Variants in CCSER1 observed in about 807,000 individuals in gnomAD.
The protein encoded by CCSER1 is coiled-coil serine rich protein 1, also known as serine-rich coiled-coil domain-containing protein 1.
In CCSER1, 41 loss-of-function variants were observed where a neutral mutation model predicts 82.0. The observed-to-expected ratio is 0.50, with a 90% CI of 0.39 to 0.65. CCSER1 has a LOEUF of 0.65. Among genes scored for constraint, CCSER1 ranks in the 30% least tolerant of loss-of-function variants. The probability of loss-of-function intolerance (pLI) is 0.00; values close to 1 mark genes in which losing one functional copy is unlikely to be tolerated. For missense variants in CCSER1, 1,119 were observed against 1,064.2 expected, an observed-to-expected ratio of 1.05 and a Z score of -0.72; for synonymous variants, 414 against 383.9, an observed-to-expected ratio of 1.08 and a Z score of -0.92.
intron 9 of CCSER1, among the ~76,000 whole-genome samples, chr4:90,957,245 G>GC (rs35837427): frequency 0.39 from 55,224 of 141,750 alleles, 11,295 homozygotes; most frequent in East Asian, 0.57. Context: ...GGGATTACAG[G>GC]CCCCCCCCAC....
intron 4 of CCSER1, among the ~76,000 whole-genome samples, chr4:90,403,520 AG>A (rs375792531): frequency 0.019 from 2,836 of 146,782 alleles, 157 homozygotes; most frequent in African/African-American, 0.034. Context: ...AAAAAAAAAA[AG>A]AAAAAAGACC....
chr4:91,546,217 G>A (rs1193238099), intron 10 of CCSER1, among the ~76,000 whole-genome samples: 1 of 152,060 alleles, frequency 6.6e-6, no homozygotes, highest in South Asian at 2.1e-4. Context: ...GTTTATGAGA[G>A]ATGTAGGTCT....
intron 3 of CCSER1, among the ~76,000 whole-genome samples, chr4:90,349,099 A>T (rs1213149507): frequency 1.3e-5 from 2 of 152,100 alleles, no homozygotes; most frequent in African/African-American, 4.8e-5. Flanking sequence ...ATTCTGTTTT[A>T]TTTGCCTAAG....
intron 10 of CCSER1, among the ~76,000 whole-genome samples, chr4:91,547,681 G>C (rs1196948711): frequency 6.6e-6 from 1 of 152,150 alleles, no homozygotes; most frequent in Non-Finnish European, 1.5e-5. Context: ...TTAAATTGAT[G>C]AATGGTACAG....
At chr4:90,936,284 C>T (rs775429346) in intron 9 of CCSER1, among the ~76,000 whole-genome samples, 16 of 151,978 alleles carry the variant, frequency 1.1e-4, no homozygotes, top group Non-Finnish European at 2.1e-4. Context: ...AGAAGATTAA[C>T]CTATTTTGTA....
Position 91,565,054 on chromosome 4 carries a change from G to C in CCSER1, c.2218-33518G>C, listed in dbSNP as rs943341779. On this transcript the variant is annotated intron_variant, in intron 10 of 10. Coordinates refer to ENST00000509176, the MANE Select transcript of CCSER1 (RefSeq NM_001145065.2). ...TGTGTGTGTGTGTGTGTGTGTGTGT[G>C]TGTGTGTGTGTGTGTGTGTGTGTGT... is the stretch of plus-strand genomic sequence containing the variant. 5.3e-5 allele frequency among the ~76,000 whole-genome samples: 8 copies of C among 150,158 alleles called. No individual in the cohort carries two copies. The South Asian group carries it at 1.7e-3, about 32-fold the overall frequency.
intron 10 of CCSER1, among the ~76,000 whole-genome samples, chr4:91,498,301 G>T (rs1309545820): frequency 6.6e-6 from 1 of 151,908 alleles, no homozygotes. Context: ...ACAGAGAAAA[G>T]GAAGAATTAG....
chr4:90,840,948 A>C (rs1762497077), intron 8 of CCSER1, among the ~76,000 whole-genome samples: 1 of 152,192 alleles, frequency 6.6e-6, no homozygotes, highest in South Asian at 2.1e-4. Flanking sequence ...GTATTGCATA[A>C]TAGTTACATA....
intron 10 of CCSER1, among the ~76,000 whole-genome samples, chr4:91,387,377 T>G (rs981243580): frequency 1.1e-4 from 16 of 151,962 alleles, no homozygotes; most frequent in Non-Finnish European, 2.1e-4. Flanking sequence ...AAAATTAGAT[T>G]TCTGTCATTT....
chr4:90,863,887 T>C, intron 8 of CCSER1, among the ~76,000 whole-genome samples: 1 of 151,862 alleles, frequency 6.6e-6, no homozygotes, highest in East Asian at 1.9e-4. Flanking sequence ...AGCGCTTTGT[T>C]GAACCAGAGA....
At chr4:90,567,959 G>T (rs1451919347) in intron 5 of CCSER1, among the ~76,000 whole-genome samples, 2 of 152,126 alleles carry the variant, frequency 1.3e-5, no homozygotes, top group African/African-American at 4.8e-5. Flanking sequence ...TCCATTGGTT[G>T]TTCATGAGCA....
intron 4 of CCSER1, among the ~76,000 whole-genome samples, chr4:90,415,834 T>G (rs1369569767): frequency 6.6e-6 from 1 of 152,204 alleles, no homozygotes; most frequent in Non-Finnish European, 1.5e-5. Context: ...TTAAATGAAT[T>G]AAAGTTAAAA....
At chr4:90,884,589 TA>T (rs920919821) in intron 8 of CCSER1, among the ~76,000 whole-genome samples, 1 of 152,124 alleles carries the variant, frequency 6.6e-6, no homozygotes, top group Non-Finnish European at 1.5e-5. Context: ...TTCTGTTTTA[TA>T]AAAAAATTCT....
Position 90,206,175 on chromosome 4 carries a change from G to GT in CCSER1, c.-42+78351dup, listed in dbSNP as rs1053891854. The stretch of plus-strand genomic sequence containing the variant: ...TCTGGATTCATTGATTTTTTGAAGG[G>GT]TTTTTTTGTGTCTCCATCTCCTTCA... On this transcript the variant is annotated intron_variant, in intron 1 of 10. Coordinates refer to ENST00000509176, the MANE Select transcript of CCSER1 (RefSeq NM_001145065.2). Among the ~76,000 whole-genome samples the GT allele has an allele frequency of 3.3e-5, 5 of 152,004 alleles. No individual in the cohort carries two copies. In the East Asian group the frequency reaches 5.8e-4, roughly 18 times the overall value.
intron 7 of CCSER1, among the ~76,000 whole-genome samples, chr4:90,739,657 A>C (rs1466796245): frequency 6.6e-6 from 1 of 152,090 alleles, no homozygotes; most frequent in Non-Finnish European, 1.5e-5. Context: ...TGAGTAATTC[A>C]CCTCTGGCTA....
intron 8 of CCSER1, among the ~76,000 whole-genome samples, chr4:90,854,578 C>A (rs1461861433): frequency 6.6e-6 from 1 of 152,126 alleles, no homozygotes; most frequent in African/African-American, 2.4e-5. Context: ...TTCTCTGTTG[C>A]TGAAATTTGG....
Position 91,012,356 on chromosome 4 carries a change from A to G in CCSER1, c.2173-73594A>G, listed in dbSNP as rs918249134. Among the ~76,000 whole-genome samples the G allele has an allele frequency of 2.2e-5, 3 of 134,414 alleles. 1 individual carries two copies. Among genetic ancestry groups the G allele is most frequent in the Non-Finnish European group, 3.5e-5 (2 of 57,798 alleles). The allele number at this position is 134,414 out of a possible 152,430, so 88.2% of individuals were successfully genotyped here. ...AGCTCTGCCAAGGCACTCTTTCCCC[A>G]GGCAGCACTGTGCAGCTTTACCTCT... On this transcript the variant is annotated intron_variant, in intron 9 of 10. Coordinates refer to ENST00000509176, the MANE Select transcript of CCSER1 (RefSeq NM_001145065.2).
rs566812768 is a variant in CCSER1 at position 91,467,913 on chromosome 4, A to G, written c.2218-130659A>G. Among the ~76,000 whole-genome samples the G allele has an allele frequency of 9.8e-5, 15 of 152,298 alleles. 1 individual carries two copies. In the South Asian group the frequency reaches 3.1e-3, roughly 32 times the overall value. ...TTTTACACTTTTGGTGGGACTGTAAACTATTTCAACCATTGTGGAAGACAG... is the reference window on the plus strand; with the variant it reads ...TTTTACACTTTTGGTGGGACTGTAAGCTATTTCAACCATTGTGGAAGACAG... On this transcript the variant is annotated intron_variant, in intron 10 of 10. Transcript: ENST00000509176.
intron 10 of CCSER1, among the ~76,000 whole-genome samples, chr4:91,142,919 T>G (rs1217371410): frequency 6.6e-6 from 1 of 151,806 alleles, no homozygotes; most frequent in Admixed American, 6.6e-5. Context: ...ATGTAATCCC[T>G]CCTGCTTTGT....
Sources: allele counts gnomAD v4.1 joint callset (sites outside exome capture counted in the v4.1 genomes callset), GRCh38; gene constraint gnomAD v4.1.1; transcripts MANE v1.5; gene names NCBI Gene and HGNC (gene_info 2026-07-23, HGNC 2026-07-21).